EWSR1: variants seen among roughly 807,000 people sequenced by gnomAD.
EWSR1 encodes the protein RNA-binding protein EWS.
In EWSR1, 14 loss-of-function variants were observed where a neutral mutation model predicts 92.1. The observed-to-expected ratio is 0.15, with a 90% CI of 0.10 to 0.24. EWSR1 has a LOEUF of 0.24. Ranked by LOEUF, EWSR1 falls within the 10% of genes least tolerant of loss-of-function variation. The pLI, the probability that EWSR1 is intolerant of heterozygous loss-of-function variation, is 1.00. For synonymous variants in EWSR1, 303 were observed against 292.9 expected (o/e 1.03, Z -0.35); for missense variants, 637 against 870.9 (o/e 0.73, Z 3.38).
At chr22:29,270,074 T>A (rs2058543014) in intron 1 of EWSR1, among the ~76,000 whole-genome samples, 1 of 152,266 alleles carries the variant, frequency 6.6e-6, no homozygotes, top group African/African-American at 2.4e-5. Context: ...TGAGCCCTTC[T>A]GACCTTCCAG....
chr22:29,273,404 C>A (rs1412812820), intron 3 of EWSR1, among the ~76,000 whole-genome samples: 1 of 152,226 alleles, frequency 6.6e-6, no homozygotes, highest in African/African-American at 2.4e-5. Context: ...GCCCTTATTG[C>A]TCTTCCCTTG....
rs202078442 is a variant in EWSR1, at chr22:29,284,623, CTTTG to C, written c.581+2078_581+2081del. 7.2e-3 allele frequency among the ~76,000 whole-genome samples: 1,082 copies of C among 151,138 alleles called. 8 individuals carry two copies. Among genetic ancestry groups the C allele is most frequent in the South Asian group, 0.018 (87 of 4,808 alleles). ...GGTGAGGGATGTGGTGTGTTAGAAG[CTTTG>C]TTTGTTTGTTTATTTTTGGAGACCG... On this transcript the variant is annotated intron_variant, in intron 6 of 16. Transcript: ENST00000397938.
At chr22:29,282,682 T>G in intron 6 of EWSR1, 125 bp downstream of exon 6, 1 of 691,582 alleles carries the variant, frequency 1.4e-6, no homozygotes, top group Non-Finnish European at 2.2e-6. Flanking sequence ...ATAAGTCATC[T>G]GACCATACTT....
intron 8 of EWSR1, chr22:29,289,373 G>T (rs956026426): frequency 2.6e-5 from 6 of 230,464 alleles, no homozygotes; most frequent in African/African-American, 4.4e-5. Flanking sequence ...TATAATTATG[G>T]GCTCACTTCC....
At chr22:29,285,762 A>G (rs1256357231) in intron 6 of EWSR1, among the ~76,000 whole-genome samples, 2 of 151,410 alleles carry the variant, frequency 1.3e-5, no homozygotes, top group Non-Finnish European at 1.5e-5. Flanking sequence ...GCCTTCCCCA[A>G]GTGCATATTC....
intron 8 of EWSR1, chr22:29,290,380 T>G (rs1030224199): frequency 1.4e-5 from 22 of 1,585,524 alleles, no homozygotes; most frequent in Non-Finnish European, 1.8e-5. Flanking sequence ...GTGGAAACTT[T>G]TTAACATGCT....
chr22:29,280,862 GT>G (rs71196650), intron 5 of EWSR1, among the ~76,000 whole-genome samples: 39 of 62,882 alleles, frequency 6.2e-4, no homozygotes, highest in Non-Finnish European at 9.0e-4. Flanking sequence ...TGTGTGTGTT[GT>G]TTTTTTTTTT....
chr22:29,285,667 C>T (rs2059968648), intron 6 of EWSR1, among the ~76,000 whole-genome samples: 1 of 151,210 alleles, frequency 6.6e-6, no homozygotes, highest in African/African-American at 2.5e-5. Context: ...AAATCGTTAA[C>T]TCGAGATTAT....
At chr22:29,292,302 C>G (rs1212006409) in intron 10 of EWSR1, 133 bp downstream of exon 10, 1 of 1,075,742 alleles carries the variant, frequency 9.3e-7, no homozygotes, top group Non-Finnish European at 1.4e-6. Flanking sequence ...TTTGGGAAAT[C>G]CTATGTGAGC....
intron 16 of EWSR1, 40 bp downstream of exon 16, chr22:29,299,891 A>G (rs773062292): frequency 9.1e-6 from 14 of 1,533,134 alleles, no homozygotes; most frequent in East Asian, 2.3e-5. Flanking sequence ...CGCCAGGCAC[A>G]GTAAGAGGAC....
rs1569126882 is a variant in EWSR1, at chr22:29,299,612, C to T, written c.1692C>T (p.Gly564=). The T allele has an allele frequency of 6.2e-7, 1 of 1,602,502 alleles. No individual in the cohort carries two copies. Among genetic ancestry groups the T allele is most frequent in the South Asian group, 1.1e-5 (1 of 89,682 alleles). Residue 564 remains glycine (G), a synonymous_variant, in exon 16 of 17, where the codon GGC becomes GGT. Transcript: ENST00000397938. ...PPFPPPGGDR[G]RGGPGGMRGG... ...TTCTCACCTTAGGTGGTGATCGTGG[C>T]AGAGGTGGCCCTGGTGGCATGCGGG...
intron 14 of EWSR1, 57 bp downstream of exon 14, chr22:29,298,952 C>G: frequency 2.7e-6 from 4 of 1,482,598 alleles, no homozygotes; most frequent in Non-Finnish European, 3.6e-6. Context: ...CTTCCCTCAC[C>G]CCATCCCCAC....
chr22:29,273,435 T>C (rs1002809069), intron 3 of EWSR1, among the ~76,000 whole-genome samples: 1 of 152,174 alleles, frequency 6.6e-6, no homozygotes, highest in African/African-American at 2.4e-5. Flanking sequence ...GTTAATCTCA[T>C]GTATAGTTAA....
intron 15 of EWSR1, 100 bp from the exon 16 acceptor site, chr22:29,299,499 T>G: frequency 6.7e-7 from 1 of 1,496,756 alleles, no homozygotes; most frequent in South Asian, 1.4e-5. Flanking sequence ...GTGTCTGGTT[T>G]GTTCTGCTGT....
At chr22:29,298,432 G>C (rs535612239) in intron 13 of EWSR1, among the ~76,000 whole-genome samples, 3 of 151,972 alleles carry the variant, frequency 2.0e-5, no homozygotes, top group East Asian at 1.9e-4. Context: ...TTTGAATCTG[G>C]GGGGGTGGAG....
chr22:29,276,164 C>G (rs937331351), intron 4 of EWSR1: 1 of 230,998 alleles, frequency 4.3e-6, no homozygotes, highest in Non-Finnish European at 8.6e-6. Context: ...CCTTGTAAAT[C>G]TTATAGACGT....
At position 29,268,284 on chromosome 22, in the gene EWSR1, A is replaced by C. The variant is rs551097984; in HGVS notation, c.-53A>C. Reference sequence around the variant, plus strand: ...TGCGCCTGCGCAGTGCGGCGCCTAGAGGGAAAGCGAGAGGGAGACGGACGT... The same window carrying C: ...TGCGCCTGCGCAGTGCGGCGCCTAGCGGGAAAGCGAGAGGGAGACGGACGT... On this transcript the variant is annotated 5_prime_UTR_variant, in exon 1 of 17. Transcript: ENST00000397938. The C allele has an allele frequency of 1.6e-5, 25 of 1,604,610 alleles. No homozygotes were observed. The highest frequency in any genetic ancestry group is 1.1e-4 in the African/African-American group (8 of 74,866).
At chr22:29,270,100 A>T (rs763107256) in intron 1 of EWSR1, among the ~76,000 whole-genome samples, 1 of 152,142 alleles carries the variant, frequency 6.6e-6, no homozygotes, top group East Asian at 1.9e-4. Context: ...GCATTCCACA[A>T]ATTTGTCCTA....
intron 8 of EWSR1, chr22:29,289,285 A>G (rs759425847): frequency 4.3e-6 from 1 of 231,772 alleles, no homozygotes; most frequent in Admixed American, 5.6e-5. Flanking sequence ...TCCTTAAACT[A>G]TAGCCTGAGG....
Sources: allele counts gnomAD v4.1 joint callset (sites outside exome capture counted in the v4.1 genomes callset), GRCh38; gene constraint gnomAD v4.1.1; transcripts MANE v1.5; gene names NCBI Gene and HGNC (gene_info 2026-07-23, HGNC 2026-07-21).